Variants in SPAG9 observed in about 807,000 individuals in gnomAD.
SPAG9 encodes the protein sperm associated antigen 9, also known as C-Jun-amino-terminal kinase-interacting protein 4.
Under a neutral mutation model 166.5 loss-of-function variants are expected in SPAG9, and 35 were observed. The ratio of observed to expected loss-of-function variants is 0.21; its 90% confidence interval spans 0.16 to 0.28. The LOEUF (loss-of-function observed/expected upper bound fraction) is 0.28, where lower values mean the gene tolerates loss of function less well. SPAG9 is among the 10% of genes least tolerant of loss of function. SPAG9 has a pLI of 1.00. For synonymous variants in SPAG9, 534 were observed against 565.5 expected, an observed-to-expected ratio of 0.94 and a Z score of 0.79; for missense variants, 1,235 against 1,603.3, an observed-to-expected ratio of 0.77 and a Z score of 3.92.
chr17:51,096,636 T>C (rs74254354), intron 1 of SPAG9, among the ~76,000 whole-genome samples: 1 of 152,154 alleles, frequency 6.6e-6, no homozygotes, highest in Admixed American at 6.6e-5. Context: ...ACAACAACAT[T>C]TGTAATATAT....
rs112462137 is a variant in SPAG9, at chr17:51,000,010, T to C, written c.1608-293A>G. Among the ~76,000 whole-genome samples the C allele has an allele frequency of 2.6e-3, 394 of 152,358 alleles. 1 individual carries two copies. Among genetic ancestry groups the C allele is most frequent in the African/African-American group, 9.0e-3 (375 of 41,586 alleles). On this transcript the variant is annotated intron_variant, in intron 13 of 29. Coordinates refer to ENST00000262013, the MANE Select transcript of SPAG9 (RefSeq NM_001130528.3). ...ACATGCCTGAATGATATTTAAAATT[T>C]TTTATTGAAAAGATACCCTCTAACT...
At chr17:51,116,373 C>T (rs1244059547) in intron 1 of SPAG9, among the ~76,000 whole-genome samples, 1 of 152,086 alleles carries the variant, frequency 6.6e-6, no homozygotes, top group Non-Finnish European at 1.5e-5. Context: ...GCAAATCATG[C>T]CTGTTTTAAA....
intron 6 of SPAG9, among the ~76,000 whole-genome samples, chr17:51,023,807 G>A (rs958429766): frequency 6.6e-6 from 1 of 152,074 alleles, no homozygotes; most frequent in Non-Finnish European, 1.5e-5. Flanking sequence ...TATGATTACC[G>A]GCGTGCGTCA....
chr17:51,107,814 C>T lies in SPAG9; in HGVS notation c.303+12540G>A, dbSNP rs142512944. 3.9e-4 allele frequency among the ~76,000 whole-genome samples: 59 copies of T among 150,268 alleles called. No individual in the cohort carries two copies. In the East Asian group the frequency reaches 0.011, roughly 27 times the overall value. On this transcript the variant is annotated intron_variant, in intron 1 of 29. Transcript: ENST00000262013. ...ACTATAATCTCAGTTACTTGGGAGGCTAAGGTAGGGGGATAGCTTGAGCCC... is the reference window on the plus strand; with the variant it reads ...ACTATAATCTCAGTTACTTGGGAGGTTAAGGTAGGGGGATAGCTTGAGCCC...
intron 5 of SPAG9, among the ~76,000 whole-genome samples, chr17:51,036,203 A>C (rs1031227630): frequency 6.6e-6 from 1 of 151,960 alleles, no homozygotes; most frequent in Non-Finnish European, 1.5e-5. Context: ...TGCTCTGCCA[A>C]TCTCCACCTC....
intron 27 of SPAG9, 108 bp downstream of exon 27, chr17:50,977,000 C>A: frequency 1.4e-6 from 1 of 698,128 alleles, no homozygotes; most frequent in Non-Finnish European, 2.5e-6. Context: ...ATAGCTAGAT[C>A]TTTGCCATCA....
chr17:51,106,757 A>T (rs1598193492), intron 1 of SPAG9, among the ~76,000 whole-genome samples: 1 of 152,248 alleles, frequency 6.6e-6, no homozygotes, highest in Admixed American at 6.5e-5. Context: ...AGATCAAGCC[A>T]CTGCACTCCA....
chr17:51,094,844 A>G (rs1027047321), intron 1 of SPAG9, among the ~76,000 whole-genome samples: 3 of 152,234 alleles, frequency 2.0e-5, no homozygotes, highest in Admixed American at 1.3e-4. Flanking sequence ...AATACTATAA[A>G]ACCATTAAAA....
chr17:51,082,643 G>A (rs1010877251), intron 1 of SPAG9, among the ~76,000 whole-genome samples: 2 of 151,898 alleles, frequency 1.3e-5, no homozygotes, highest in Admixed American at 1.3e-4. Flanking sequence ...AATAAATGAA[G>A]AAAATTTTCC....
At chr17:51,043,836 TAACA>T (rs2046929195) in intron 4 of SPAG9, among the ~76,000 whole-genome samples, 2 of 152,162 alleles carry the variant, frequency 1.3e-5, no homozygotes, top group Non-Finnish European at 2.9e-5. Context: ...TTTTCACACA[TAACA>T]AATATTGAAA....
intron 13 of SPAG9, among the ~76,000 whole-genome samples, chr17:51,000,079 A>G (rs1443258668): frequency 2.0e-5 from 3 of 152,192 alleles, no homozygotes; most frequent in African/African-American, 7.2e-5. Flanking sequence ...CCATCTTTAC[A>G]TAAAAGTCTC....
chr17:50,997,088 A>T (rs1414247508), intron 15 of SPAG9, among the ~76,000 whole-genome samples: 1 of 152,238 alleles, frequency 6.6e-6, no homozygotes, highest in Non-Finnish European at 1.5e-5. Context: ...GTGAGCCAAG[A>T]TGGTGCCACT....
In SPAG9 at chr17:50,998,441, T is replaced by C. The variant is rs1295923641; in HGVS notation, c.1838+3A>G. On this transcript the variant is annotated splice_donor_region_variant and intron_variant, in intron 15 of 29. Coordinates refer to ENST00000262013, the MANE Select transcript of SPAG9 (RefSeq NM_001130528.3). ...TATAATGATTAATTTGGAAAAGACT[T>C]ACTCTTCACTAAGGAAATCAAAGGC... The C allele has an allele frequency of 1.8e-5, 29 of 1,611,080 alleles. No individual in the cohort carries two copies. Among genetic ancestry groups the C allele is most frequent in the African/African-American group, 2.7e-5 (2 of 74,678 alleles).
Position 50,964,928 on chromosome 17 carries a change from GTTT to G in SPAG9, c.*1341_*1343del. On this transcript the variant is annotated 3_prime_UTR_variant, in exon 30 of 30. Coordinates refer to ENST00000262013, the MANE Select transcript of SPAG9 (RefSeq NM_001130528.3). ...CCACCACACCCGGTTAATTTATTTTGTTTTTTTTTTTTGGTAGAGACAGGGTTT... is the reference window on the plus strand; with the variant it reads ...CCACCACACCCGGTTAATTTATTTTGTTTTTTTTTGGTAGAGACAGGGTTT... 4 of 167,504 alleles carry G rather than the reference GTTT, an allele frequency of 2.4e-5. No individual in the cohort carries two copies. Among genetic ancestry groups the G allele is most frequent in the South Asian group, 7.6e-5 (1 of 13,200 alleles). The allele number at this position is 167,504 out of a possible 1,614,324, so 10.4% of individuals were successfully genotyped here. A position where few individuals can be genotyped will look rare whatever the true frequency, so the allele number is the denominator to read the frequency against.
intron 29 of SPAG9, among the ~76,000 whole-genome samples, chr17:50,969,494 C>T (rs1483065891): frequency 2.6e-5 from 4 of 152,104 alleles, no homozygotes; most frequent in Non-Finnish European, 4.4e-5. Flanking sequence ...CTTGAACCTC[C>T]AGTCCATCCT....
chr17:51,059,202 AGTTACCTCTGG>A (rs1405085987), intron 2 of SPAG9, among the ~76,000 whole-genome samples: 2 of 152,192 alleles, frequency 1.3e-5, no homozygotes, highest in Non-Finnish European at 2.9e-5. Flanking sequence ...TCAGGATAGT[AGTTACCTCTGG>A]GGAGGAGTCA....
intron 19 of SPAG9, among the ~76,000 whole-genome samples, chr17:50,991,458 T>A (rs1368319957): frequency 6.6e-6 from 1 of 151,954 alleles, no homozygotes; most frequent in Non-Finnish European, 1.5e-5. Context: ...CATTTTTTAA[T>A]TTAGAAAATT....
chr17:50,993,491 T>A (rs995103919), intron 19 of SPAG9, among the ~76,000 whole-genome samples: 28 of 152,248 alleles, frequency 1.8e-4, no homozygotes, highest in African/African-American at 6.8e-4. Context: ...ATCCAAAACT[T>A]TAGAAGACCT....
At chr17:51,089,378 T>G (rs1363014989) in intron 1 of SPAG9, among the ~76,000 whole-genome samples, 1 of 150,994 alleles carries the variant, frequency 6.6e-6, no homozygotes, top group African/African-American at 2.4e-5. Flanking sequence ...GAGGTGAGAC[T>G]GTGCCATTGC....
Sources: allele counts gnomAD v4.1 joint callset (sites outside exome capture counted in the v4.1 genomes callset), GRCh38; gene constraint gnomAD v4.1.1; transcripts MANE v1.5; gene names NCBI Gene and HGNC (gene_info 2026-07-23, HGNC 2026-07-21).